Variants in CPNE4 observed in about 807,000 individuals in gnomAD.
CPNE4 encodes the protein copine 4.
A neutral mutation model predicts 67.9 loss-of-function variants in CPNE4; 25 were observed. The ratio of observed to expected loss-of-function variants is 0.37; its 90% CI spans 0.27 to 0.51. CPNE4 has a LOEUF of 0.51. Ranked by LOEUF, CPNE4 falls within the 20% of genes least tolerant of loss-of-function variation. CPNE4 has a pLI of 0.93. For missense variants in CPNE4, 464 were observed against 690.8 expected, an observed-to-expected ratio of 0.67 and a Z score of 3.68; for synonymous variants, 242 against 244.9, an observed-to-expected ratio of 0.99 and a Z score of 0.11.
chr3:131,696,669 A>C, intron 4 of CPNE4, 53 bp from the exon 5 acceptor site: 1 of 1,502,982 alleles, frequency 6.7e-7, no homozygotes, highest in Non-Finnish European at 9.2e-7. Flanking sequence ...CCTTAGCTCC[A>C]GAACCCATGA....
intron 13 of CPNE4, among the ~76,000 whole-genome samples, chr3:131,551,396 C>T (rs1041287946): frequency 6.6e-6 from 1 of 152,058 alleles, no homozygotes; most frequent in African/African-American, 2.4e-5. Flanking sequence ...TTGATTTCCT[C>T]TTGAAAAGTA....
chr3:131,597,308 T>G (rs6777594), intron 7 of CPNE4, among the ~76,000 whole-genome samples: 31,138 of 150,562 alleles, frequency 0.21, 4,431 homozygotes, highest in African/African-American at 0.41. Flanking sequence ...GGGCCTGTTG[T>G]GGGGTGGGGG....
chr3:132,010,187 TCA>T (rs1481501032), intron 1 of CPNE4, among the ~76,000 whole-genome samples: 1 of 152,172 alleles, frequency 6.6e-6, no homozygotes, highest in Non-Finnish European at 1.5e-5. Context: ...TCAGTGAATC[TCA>T]GTTTCCTCTT....
In CPNE4 at chr3:131,943,787, T is replaced by A. The variant is rs117717299; in HGVS notation, c.-1-38343A>T. Among the ~76,000 whole-genome samples, 17 of 152,204 alleles carry A rather than the reference T, an allele frequency of 1.1e-4. No homozygotes were observed. In the East Asian group the frequency reaches 2.9e-3, roughly 26 times the overall value. On this transcript the variant is annotated intron_variant, in intron 1 of 15. Transcript: ENST00000429747. ...CACTGGCTTCCCCTCACTAACCTCA[T>A]AAAGTCTAAATTGTTTAGTATGATG...
chr3:131,918,395 G>T (rs1016486781), intron 1 of CPNE4, among the ~76,000 whole-genome samples: 6 of 152,248 alleles, frequency 3.9e-5, no homozygotes, highest in East Asian at 1.9e-4. Flanking sequence ...GTAGGTACTG[G>T]CAGATACAAA....
At chr3:131,794,787 G>A (rs1176388510) in intron 2 of CPNE4, among the ~76,000 whole-genome samples, 1 of 152,116 alleles carries the variant, frequency 6.6e-6, no homozygotes, top group Non-Finnish European at 1.5e-5. Flanking sequence ...TGAGTACTAG[G>A]TAGTTGAGTA....
intron 2 of CPNE4, among the ~76,000 whole-genome samples, chr3:131,844,358 C>A (rs2085912989): frequency 6.6e-6 from 1 of 151,840 alleles, no homozygotes; most frequent in Non-Finnish European, 1.5e-5. Flanking sequence ...CCTCTGCCTC[C>A]CAGGTTCAAG....
At position 131,932,453 on chromosome 3, in the gene CPNE4, C is replaced by A. The variant is rs141582483; in HGVS notation, c.-1-27009G>T. 5.4e-3 allele frequency among the ~76,000 whole-genome samples: 821 copies of A among 151,998 alleles called. 3 individuals carry two copies. The highest frequency in any genetic ancestry group is 9.0e-3 in the Non-Finnish European group (611 of 67,984). On this transcript the variant is annotated intron_variant, in intron 1 of 15. Coordinates refer to ENST00000429747, the MANE Select transcript of CPNE4 (RefSeq NM_130808.3). ...AGTGGAACACAAGACTGACCCGGACCCTTATGGAAGAGACAGATGTTAAAT... is the reference window on the plus strand; with the variant it reads ...AGTGGAACACAAGACTGACCCGGACACTTATGGAAGAGACAGATGTTAAAT...
intron 3 of CPNE4, among the ~76,000 whole-genome samples, chr3:131,717,910 CTT>C (rs1298086887): frequency 5.1e-5 from 7 of 136,648 alleles, no homozygotes; most frequent in Admixed American, 1.5e-4. Context: ...TTCTTTCTTT[CTT>C]TCTTTCTTTC....
intron 1 of CPNE4, among the ~76,000 whole-genome samples, chr3:131,985,503 G>A (rs568318232): frequency 1.3e-5 from 2 of 152,208 alleles, no homozygotes; most frequent in African/African-American, 4.8e-5. Flanking sequence ...TGAGAAACAT[G>A]GAACTTACAG....
At chr3:131,687,565 A>G (rs2080923110) in intron 5 of CPNE4, among the ~76,000 whole-genome samples, 1 of 152,188 alleles carries the variant, frequency 6.6e-6, no homozygotes, top group Non-Finnish European at 1.5e-5. Context: ...AAAGTCATTT[A>G]TTATTCCTAA....
intron 1 of CPNE4, among the ~76,000 whole-genome samples, chr3:132,005,193 C>CA (rs1433602369): frequency 2.0e-5 from 3 of 151,392 alleles, no homozygotes; most frequent in Non-Finnish European, 4.4e-5. Context: ...TACCAGAGGA[C>CA]AATTGCCCTG....
chr3:131,936,282 A>G (rs1328138201), intron 1 of CPNE4, among the ~76,000 whole-genome samples: 1 of 152,044 alleles, frequency 6.6e-6, no homozygotes, highest in Non-Finnish European at 1.5e-5. Context: ...AGACTTATAA[A>G]GGAACTCAAC....
At chr3:131,968,837 C>T (rs1266337927) in intron 1 of CPNE4, among the ~76,000 whole-genome samples, 1 of 152,140 alleles carries the variant, frequency 6.6e-6, no homozygotes, top group Non-Finnish European at 1.5e-5. Flanking sequence ...TAGCATTTCA[C>T]CCAGCAATCC....
intron 1 of CPNE4, among the ~76,000 whole-genome samples, chr3:131,996,891 T>C (rs1353528556): frequency 6.6e-6 from 1 of 152,072 alleles, no homozygotes; most frequent in Non-Finnish European, 1.5e-5. Context: ...TTTGAAACAG[T>C]CCAAAATGTA....
intron 1 of CPNE4, among the ~76,000 whole-genome samples, chr3:132,018,942 C>T (rs886451869): frequency 2.0e-5 from 3 of 152,220 alleles, no homozygotes; most frequent in East Asian, 3.9e-4. Flanking sequence ...AAAATTAGGG[C>T]GATGCACTTG....
intron 1 of CPNE4, among the ~76,000 whole-genome samples, chr3:131,962,284 G>C (rs562033228): frequency 6.6e-6 from 1 of 152,320 alleles, no homozygotes; most frequent in East Asian, 1.9e-4. Context: ...TAGATGAAGA[G>C]ATGTCTTTTC....
intron 10 of CPNE4, among the ~76,000 whole-genome samples, chr3:131,570,699 A>T (rs973719773): frequency 6.6e-6 from 1 of 152,034 alleles, no homozygotes; most frequent in Admixed American, 6.6e-5. Flanking sequence ...AGGTACAAGG[A>T]CTGTCTTCAG....
At chr3:131,969,626 G>A (rs2072450666) in intron 1 of CPNE4, among the ~76,000 whole-genome samples, 1 of 152,046 alleles carries the variant, frequency 6.6e-6, no homozygotes, top group Non-Finnish European at 1.5e-5. Context: ...TGGAGACTCG[G>A]TAACTTACCA....
Sources: gnomAD v4.1 joint callset for allele counts (sites outside exome capture counted in the v4.1 genomes callset) on GRCh38, gnomAD v4.1.1 for gene constraint, MANE v1.5 for transcripts, NCBI Gene and HGNC (gene_info 2026-07-23, HGNC 2026-07-21) for gene names.